The following RAPGEF1 variants were observed in gnomAD, a reference collection of about 807,000 sequenced individuals.
RAPGEF1 encodes the protein CRK SH3-binding GNRP.
In RAPGEF1, 33 loss-of-function variants were observed where a neutral mutation model predicts 143.3. The ratio of observed to expected loss-of-function variants is 0.23; its 90% CI spans 0.17 to 0.31. The LOEUF is 0.31. RAPGEF1 is among the 10% of genes least tolerant of loss of function. RAPGEF1 has a pLI of 1.00. For missense variants in RAPGEF1, 1,199 were observed against 1,645.4 expected (o/e 0.73, Z 4.69); for synonymous variants, 629 against 676.5 (o/e 0.93, Z 1.09).
chr9:131,724,252 AG>A (rs1189011647), intron 1 of RAPGEF1, among the ~76,000 whole-genome samples: 1 of 152,226 alleles, frequency 6.6e-6, no homozygotes, highest in African/African-American at 2.4e-5. Flanking sequence ...GCTTTCAGGA[AG>A]GCCATATACA....
At chr9:131,676,861 C>T (rs1404635944) in intron 1 of RAPGEF1, among the ~76,000 whole-genome samples, 1 of 152,244 alleles carries the variant, frequency 6.6e-6, no homozygotes, top group Non-Finnish European at 1.5e-5. Context: ...ACGACGGCAG[C>T]TTCACCAAGA....
At chr9:131,688,257 C>T (rs1322304392) in intron 1 of RAPGEF1, among the ~76,000 whole-genome samples, 1 of 152,204 alleles carries the variant, frequency 6.6e-6, no homozygotes, top group African/African-American at 2.4e-5. Flanking sequence ...TTAAGAACTT[C>T]AGGAAGAACT....
intron 1 of RAPGEF1, chr9:131,709,552 T>C (rs1461135884): frequency 1.4e-6 from 2 of 1,467,616 alleles, no homozygotes; most frequent in African/African-American, 2.8e-5. Flanking sequence ...GCTCTGCTGC[T>C]GGGCCAGTCT....
intron 1 of RAPGEF1, among the ~76,000 whole-genome samples, chr9:131,716,648 C>T (rs1417980132): frequency 6.6e-6 from 1 of 152,192 alleles, no homozygotes; most frequent in Non-Finnish European, 1.5e-5. Flanking sequence ...TTATGTGTGT[C>T]TGTAGTCACA....
intron 1 of RAPGEF1, among the ~76,000 whole-genome samples, chr9:131,716,667 G>A (rs1251176684): frequency 6.6e-6 from 1 of 152,180 alleles, no homozygotes; most frequent in Non-Finnish European, 1.5e-5. Context: ...CAGCTACTCG[G>A]GGGGCTGAGG....
intron 1 of RAPGEF1, among the ~76,000 whole-genome samples, chr9:131,662,982 C>T (rs1392153316): frequency 6.6e-6 from 1 of 150,804 alleles, no homozygotes; most frequent in Non-Finnish European, 1.5e-5. Context: ...ACGTTGTATT[C>T]TGGAAAAAAA....
intron 10 of RAPGEF1, among the ~76,000 whole-genome samples, chr9:131,625,172 C>G (rs1028950133): frequency 6.6e-6 from 1 of 152,172 alleles, no homozygotes; most frequent in South Asian, 2.1e-4. Context: ...GAAACGGTGA[C>G]AGCTGTGCTG....
intron 22 of RAPGEF1, among the ~76,000 whole-genome samples, chr9:131,586,197 A>AACAC (rs1168171289): frequency 1.4e-5 from 2 of 146,034 alleles, no homozygotes; most frequent in Admixed American, 1.4e-4. Context: ...CTCCGTCTCA[A>AACAC]ACACACACAC....
chr9:131,582,407 T>C (rs1163496703), intron 25 of RAPGEF1, among the ~76,000 whole-genome samples, 198 bp downstream of exon 25: 1 of 151,712 alleles, frequency 6.6e-6, no homozygotes, highest in African/African-American at 2.4e-5. Context: ...ATAAGAAGCA[T>C]TATATATTAT....
At chr9:131,695,439 A>C (rs1227075111) in intron 1 of RAPGEF1, among the ~76,000 whole-genome samples, 4 of 152,226 alleles carry the variant, frequency 2.6e-5, no homozygotes, top group Non-Finnish European at 5.9e-5. Context: ...CAACCGAAAA[A>C]GAGCAAAGCC....
intron 1 of RAPGEF1, among the ~76,000 whole-genome samples, chr9:131,730,868 G>A (rs551283874): frequency 6.6e-6 from 1 of 152,250 alleles, no homozygotes; most frequent in South Asian, 2.1e-4. Flanking sequence ...GTGAGCTCCA[G>A]CAGGACAGTC....
chr9:131,621,720 C>A lies in RAPGEF1; in HGVS notation c.1905+76G>T. 1 of 1,448,216 alleles carries A rather than the reference C, an allele frequency of 6.9e-7. No individual in the cohort carries two copies. Among genetic ancestry groups the A allele is most frequent in the Non-Finnish European group, 9.4e-7 (1 of 1,066,024 alleles). The allele number at this position is 1,448,216 out of a possible 1,614,324, so 89.7% of individuals were successfully genotyped here. A position where few individuals can be genotyped will look rare whatever the true frequency, so the allele number is the denominator to read the frequency against. ...AGCAGGGAGGAGGGTTAACCCTGCC[C>A]CCAAGGAGGGTCATTCTGGTTCCTA... On this transcript the variant is annotated intron_variant, in intron 11 of 26. Coordinates refer to ENST00000683357, the MANE Select transcript of RAPGEF1 (RefSeq NM_001377935.1). The surrounding 1 kb of genome is among the most constrained non-coding windows in gnomAD (Gnocchi z 4.5).
chr9:131,611,560 T>G (rs889405386), intron 12 of RAPGEF1, among the ~76,000 whole-genome samples: 7 of 152,356 alleles, frequency 4.6e-5, no homozygotes, highest in African/African-American at 1.7e-4. Context: ...TCTAGGATGC[T>G]CTGTAATTCA....
At chr9:131,713,530 T>C (rs984943081) in intron 1 of RAPGEF1, among the ~76,000 whole-genome samples, 3 of 152,228 alleles carry the variant, frequency 2.0e-5, no homozygotes, top group South Asian at 4.1e-4. Context: ...GGTTTGAATC[T>C]ATGGGGGCAC....
At chr9:131,586,790 C>A in intron 22 of RAPGEF1, among the ~76,000 whole-genome samples, 1 of 64,414 alleles carries the variant, frequency 1.6e-5, no homozygotes. Flanking sequence ...AGCGAGACTC[C>A]GTCAAACACA....
At chr9:131,643,696 G>C (rs1588704008) in intron 3 of RAPGEF1, among the ~76,000 whole-genome samples, 1 of 152,076 alleles carries the variant, frequency 6.6e-6, no homozygotes, top group East Asian at 1.9e-4. Context: ...CCTCCTGTCT[G>C]TCCTCATCAG....
chr9:131,579,757 A>T, intron 26 of RAPGEF1, 110 bp from the exon 27 acceptor site: 1 of 1,202,366 alleles, frequency 8.3e-7, no homozygotes, highest in Non-Finnish European at 1.2e-6. Flanking sequence ...GCCTCGCAGC[A>T]AACGGATGCT....
At chr9:131,625,480 C>T (rs529108770) in intron 10 of RAPGEF1, among the ~76,000 whole-genome samples, 5 of 152,190 alleles carry the variant, frequency 3.3e-5, no homozygotes, top group African/African-American at 1.2e-4. Flanking sequence ...TGAACAGAGA[C>T]AGTGTGCTCT....
intron 3 of RAPGEF1, among the ~76,000 whole-genome samples, chr9:131,645,334 G>T (rs1397117720): frequency 6.6e-6 from 1 of 152,182 alleles, no homozygotes; most frequent in Non-Finnish European, 1.5e-5. Flanking sequence ...ACTTGCTGAG[G>T]AACAGGAAAC....
Sources: gnomAD v4.1 joint callset for allele counts (sites outside exome capture counted in the v4.1 genomes callset) on GRCh38, gnomAD v4.1.1 for gene constraint, Gnocchi (gnomAD v3.1) non-coding constraint, MANE v1.5 for transcripts, NCBI Gene and HGNC (gene_info 2026-07-23, HGNC 2026-07-21) for gene names.